The following GRID2 variants were observed in gnomAD, a reference collection of about 807,000 sequenced individuals.
GRID2 encodes the protein glutamate ionotropic receptor delta type subunit 2, also known as glutamate receptor ionotropic, delta-2.
Under a neutral mutation model 114.8 loss-of-function variants are expected in GRID2, and 33 were observed. The observed-to-expected ratio is 0.29, with a 90% CI of 0.22 to 0.38. The LOEUF (loss-of-function observed/expected upper bound fraction) is 0.38, where lower values mean the gene tolerates loss of function less well. Among genes scored for constraint, GRID2 ranks in the 10% least tolerant of loss-of-function variants. The pLI is 1.00. For synonymous variants in GRID2, 505 were observed against 449.9 expected (o/e 1.12, Z -1.55); for missense variants, 1,184 against 1,257.7 (o/e 0.94, Z 0.89).
intron 2 of GRID2, among the ~76,000 whole-genome samples, chr4:93,024,754 C>G (rs1251016612): frequency 2.6e-5 from 4 of 151,630 alleles, no homozygotes; most frequent in Non-Finnish European, 5.9e-5. Flanking sequence ...AGTATTAATT[C>G]CTTCTTTCTG....
Position 93,371,414 on chromosome 4 carries a change from A to G in GRID2, c.1246-24193A>G, listed in dbSNP as rs1453174281. Among the ~76,000 whole-genome samples the G allele has an allele frequency of 3.9e-5, 6 of 152,016 alleles. No individual in the cohort carries two copies. The East Asian group carries it at 7.7e-4, about 20-fold the overall frequency. ...GGCAGATTCTACTCATGTGGTAACA[A>G]GACTATTATTCTAGATACTGTACTC... On this transcript the variant is annotated intron_variant, in intron 8 of 15. Transcript: ENST00000282020.
downstream of GRID2, among the ~76,000 whole-genome samples, chr4:93,779,410 G>A (rs1003745623): frequency 6.6e-6 from 1 of 152,100 alleles, no homozygotes; most frequent in African/African-American, 2.4e-5. Flanking sequence ...CTGTGCTTCT[G>A]GTGTACTGAA....
At position 92,411,649 on chromosome 4, in the gene GRID2, GTGTGTGTA is replaced by G. The variant is rs778219497; in HGVS notation, c.88+106907_88+106914del. Among the ~76,000 whole-genome samples, 250 of 94,902 alleles carry G rather than the reference GTGTGTGTA, an allele frequency of 2.6e-3. 6 individuals are homozygous for G. The highest frequency in any genetic ancestry group is 0.013 in the South Asian group (41 of 3,104). The allele number at this position is 94,902 out of a possible 152,430, so 62.3% of individuals were successfully genotyped here. A position where few individuals can be genotyped will look rare whatever the true frequency, so the allele number is the denominator to read the frequency against. On this transcript the variant is annotated intron_variant, in intron 1 of 15. Transcript: ENST00000282020. Reference sequence around the variant, plus strand: ...CATGTGTGTGTGTGTGTGTGTGTGTGTGTGTGTATATATATATATATATATATATGAAA... The same window carrying G: ...CATGTGTGTGTGTGTGTGTGTGTGTGTATATATATATATATATATATGAAA...
intron 10 of GRID2, among the ~76,000 whole-genome samples, chr4:93,453,749 C>T (rs1722935208): frequency 6.6e-6 from 1 of 151,906 alleles, no homozygotes; most frequent in African/African-American, 2.4e-5. Context: ...GTAAATTCCT[C>T]CTCAGGTGGA....
intron 12 of GRID2, among the ~76,000 whole-genome samples, chr4:93,512,289 A>G (rs567426744): frequency 6.6e-6 from 1 of 152,288 alleles, no homozygotes; most frequent in South Asian, 2.1e-4. Flanking sequence ...GAAGATTACC[A>G]TTTGTTGAAT....
intron 1 of GRID2, among the ~76,000 whole-genome samples, chr4:92,329,014 A>G (rs1195142990): frequency 6.6e-6 from 1 of 152,032 alleles, no homozygotes; most frequent in Non-Finnish European, 1.5e-5. Flanking sequence ...GGATGTCCCT[A>G]GTCTCCTGGG....
intron 2 of GRID2, among the ~76,000 whole-genome samples, chr4:92,699,957 A>C (rs1333909187): frequency 6.6e-6 from 1 of 152,234 alleles, no homozygotes; most frequent in African/African-American, 2.4e-5. Context: ...ATGTAAATGT[A>C]TCTATTAAAA....
chr4:93,778,920 C>A (rs1419788501), downstream of GRID2, among the ~76,000 whole-genome samples: 2 of 152,008 alleles, frequency 1.3e-5, no homozygotes, highest in Admixed American at 6.6e-5. Context: ...ATATGCAGTG[C>A]AGCAATATAT....
At chr4:92,421,823 G>A (rs1055064541) in intron 1 of GRID2, among the ~76,000 whole-genome samples, 1 of 152,126 alleles carries the variant, frequency 6.6e-6, no homozygotes, top group Non-Finnish European at 1.5e-5. Context: ...ACACTGGGTA[G>A]TATAGTTAAT....
At chr4:93,412,544 GAT>G (rs1178195428) in intron 9 of GRID2, among the ~76,000 whole-genome samples, 11 of 152,064 alleles carry the variant, frequency 7.2e-5, no homozygotes, top group Admixed American at 5.2e-4. Context: ...TATTAGATGA[GAT>G]AATATAAAAA....
intron 8 of GRID2, among the ~76,000 whole-genome samples, chr4:93,247,629 T>C (rs1347215064): frequency 6.6e-6 from 1 of 152,118 alleles, no homozygotes; most frequent in Non-Finnish European, 1.5e-5. Context: ...ACTGAAACTA[T>C]ACCACCCACT....
chr4:93,581,141 T>C (rs1201785059), intron 13 of GRID2, among the ~76,000 whole-genome samples: 1 of 100,904 alleles, frequency 9.9e-6, no homozygotes, highest in African/African-American at 3.9e-5. Context: ...TTCCCCTCCC[T>C]GTGTCCATGT....
At chr4:92,344,088 C>G (rs1727645785) in intron 1 of GRID2, among the ~76,000 whole-genome samples, 1 of 152,110 alleles carries the variant, frequency 6.6e-6, no homozygotes, top group African/African-American at 2.4e-5. Context: ...ATAAGTGGAT[C>G]TGTGCAGTTC....
chr4:93,253,317 G>A (rs1047412747), intron 8 of GRID2, among the ~76,000 whole-genome samples: 2 of 152,012 alleles, frequency 1.3e-5, no homozygotes, highest in Admixed American at 6.6e-5. Flanking sequence ...TTTAATTTAT[G>A]AAATGTGTCT....
At chr4:92,474,967 T>TGGGGG (rs113758641) in intron 1 of GRID2, among the ~76,000 whole-genome samples, 1 of 76,444 alleles carries the variant, frequency 1.3e-5, no homozygotes, top group Non-Finnish European at 2.6e-5. Context: ...TTAATTTTTT[T>TGGGGG]GGGGGGGGGG....
intron 2 of GRID2, among the ~76,000 whole-genome samples, chr4:92,827,304 A>AT (rs1741777160): frequency 6.6e-6 from 1 of 151,852 alleles, no homozygotes; most frequent in African/African-American, 2.4e-5. Context: ...TATCAGGTTA[A>AT]TTTTGGGTGC....
chr4:93,562,482 C>G (rs937906734), intron 13 of GRID2, among the ~76,000 whole-genome samples: 4 of 151,954 alleles, frequency 2.6e-5, no homozygotes, highest in Non-Finnish European at 4.4e-5. Flanking sequence ...TTTTCCAAGG[C>G]TGTGGCTTAC....
chr4:93,584,832 C>T (rs1737368462), intron 13 of GRID2, among the ~76,000 whole-genome samples: 1 of 151,946 alleles, frequency 6.6e-6, no homozygotes, highest in African/African-American at 2.4e-5. Flanking sequence ...AAAAATCAGT[C>T]AAAAGGAGCT....
rs1734222431 is a variant in GRID2, at chr4:93,772,983, C to G, written c.*485C>G. On this transcript the variant is annotated 3_prime_UTR_variant, in exon 16 of 16. Transcript: ENST00000282020. The stretch of plus-strand genomic sequence containing the variant: ...TTTAACTGTGGACCAAAGGCAACCC[C>G]TGCAGTGTTTATAAAACAATTTTAA... 1 of 152,866 alleles carries G rather than the reference C, an allele frequency of 6.5e-6. No homozygotes were observed. The highest frequency in any genetic ancestry group is 2.4e-5 in the African/African-American group (1 of 41,434). The allele number at this position is 152,866 out of a possible 1,614,324, so 9.5% of individuals were successfully genotyped here. A position where few individuals can be genotyped will look rare whatever the true frequency, so the allele number is the denominator to read the frequency against.
Sources: allele counts gnomAD v4.1 joint callset (sites outside exome capture counted in the v4.1 genomes callset), GRCh38; gene constraint gnomAD v4.1.1; transcripts MANE v1.5; gene names NCBI Gene and HGNC (gene_info 2026-07-23, HGNC 2026-07-21).